The following SHQ1 variants were observed in gnomAD, a reference collection of about 807,000 sequenced individuals.
The protein encoded by SHQ1 is SHQ1, H/ACA ribonucleoprotein assembly factor.
A neutral mutation model predicts 53.8 loss-of-function variants in SHQ1; 49 were observed. The observed-to-expected ratio is 0.91, with a 90% confidence interval of 0.72 to 1.16. SHQ1 has a LOEUF of 1.16. SHQ1 is among the 50% of genes most tolerant of loss of function. The probability of loss-of-function intolerance (pLI) is 0.00; values close to 1 mark genes in which losing one functional copy is unlikely to be tolerated. For synonymous variants in SHQ1, 243 were observed against 251.0 expected (o/e 0.97, Z 0.30); for missense variants, 738 against 683.1 (o/e 1.08, Z -0.90).
At chr3:72,810,847 C>A (rs548836743) in intron 9 of SHQ1, among the ~76,000 whole-genome samples, 1 of 152,248 alleles carries the variant, frequency 6.6e-6, no homozygotes, top group East Asian at 1.9e-4. Context: ...AGCCACAACC[C>A]AAATTAGTCA....
chr3:72,813,127 T>C (rs1403085146), intron 8 of SHQ1, among the ~76,000 whole-genome samples: 1 of 152,168 alleles, frequency 6.6e-6, no homozygotes, highest in Non-Finnish European at 1.5e-5. Context: ...TTAATATAAT[T>C]TACATTTCAT....
chr3:72,747,175 TTTATC>T (rs1441723458), downstream of SHQ1, among the ~76,000 whole-genome samples: 2 of 152,186 alleles, frequency 1.3e-5, no homozygotes, highest in Admixed American at 1.3e-4. Context: ...AGCAAATTGG[TTTATC>T]TTATTTGTTC....
intron 9 of SHQ1, among the ~76,000 whole-genome samples, chr3:72,798,272 C>T (rs1311003081): frequency 2.0e-5 from 3 of 152,130 alleles, no homozygotes; most frequent in African/African-American, 7.2e-5. Flanking sequence ...CTCTCCAGGA[C>T]GTTAAATCCC....
At chr3:72,735,020 C>G in the SHQ1 span, among the ~76,000 whole-genome samples, 1 of 151,492 alleles carries the variant, frequency 6.6e-6, no homozygotes. Context: ...AGTATGTGTT[C>G]CAGACTGCTT....
chr3:72,777,350 AAAAG>A (rs1408491162), intron 10 of SHQ1, among the ~76,000 whole-genome samples: 2 of 152,330 alleles, frequency 1.3e-5, no homozygotes, highest in East Asian at 3.9e-4. Context: ...CTATAAATCA[AAAAG>A]AAAGGAAGTC....
intron 2 of SHQ1, among the ~76,000 whole-genome samples, chr3:72,844,102 T>C (rs1708257848): frequency 6.6e-6 from 1 of 152,192 alleles, no homozygotes; most frequent in Non-Finnish European, 1.5e-5. Context: ...GTCTACTAAA[T>C]GTAGGGGAAG....
chr3:72,846,364 G>A, intron 1 of SHQ1: 1 of 1,475,036 alleles, frequency 6.8e-7, no homozygotes, highest in South Asian at 1.3e-5. Context: ...GCGCAATCTT[G>A]GCTCACTGCA....
the SHQ1 span, among the ~76,000 whole-genome samples, chr3:72,732,372 G>T: frequency 3.0e-4 from 36 of 118,380 alleles, 1 homozygote; most frequent in African/African-American, 9.9e-4. Context: ...CTGCCTGCCT[G>T]CCTGCCTGCC....
the SHQ1 span, among the ~76,000 whole-genome samples, chr3:72,730,173 T>C: frequency 6.6e-6 from 1 of 151,664 alleles, no homozygotes; most frequent in East Asian, 1.9e-4. Context: ...TGGGGCACAG[T>C]GATGCAATCA....
chr3:72,733,055 G>T, the SHQ1 span, among the ~76,000 whole-genome samples: 1 of 151,630 alleles, frequency 6.6e-6, no homozygotes, highest in Non-Finnish European at 1.5e-5. Context: ...GAGCTTGAAA[G>T]GAGGAGGAGG....
chr3:72,773,711 T>C (rs544642089), intron 10 of SHQ1, among the ~76,000 whole-genome samples: 1 of 152,192 alleles, frequency 6.6e-6, no homozygotes, highest in Admixed American at 6.5e-5. Flanking sequence ...AAAGGGATTG[T>C]ATAGGAAGAA....
chr3:72,773,302 G>C, intron 10 of SHQ1: 1 of 622,746 alleles, frequency 1.6e-6, no homozygotes, highest in South Asian at 1.4e-5. Flanking sequence ...AGAAAAATTG[G>C]AATCTAGCTC....
At chr3:72,761,410 G>A (rs916311636) in intron 10 of SHQ1, among the ~76,000 whole-genome samples, 16 of 152,092 alleles carry the variant, frequency 1.1e-4, no homozygotes, top group African/African-American at 3.4e-4. Flanking sequence ...GGGCTCAAGC[G>A]ACCCTCCTGC....
At chr3:72,843,971 C>T (rs1708253669) in intron 2 of SHQ1, among the ~76,000 whole-genome samples, 1 of 152,196 alleles carries the variant, frequency 6.6e-6, no homozygotes, top group Non-Finnish European at 1.5e-5. Flanking sequence ...TCTCTCTCAC[C>T]TACCTGTTAT....
chr3:72,729,400 G>C, the SHQ1 span, among the ~76,000 whole-genome samples: 1 of 152,280 alleles, frequency 6.6e-6, no homozygotes. Context: ...TGCTCGTGCT[G>C]CCTCCAGCCT....
At chr3:72,771,714 T>C (rs535519454) in intron 10 of SHQ1, among the ~76,000 whole-genome samples, 101 of 152,316 alleles carry the variant, frequency 6.6e-4, no homozygotes, top group African/African-American at 2.3e-3. Context: ...GTTGGAAATT[T>C]GGACCTATAA....
At chr3:72,746,797 G>A (rs946039086), downstream of SHQ1, among the ~76,000 whole-genome samples, 3 of 152,206 alleles carry the variant, frequency 2.0e-5, no homozygotes, top group African/African-American at 4.8e-5. Context: ...ATTTTTAGAC[G>A]AGAGGATTTG....
intron 6 of SHQ1, among the ~76,000 whole-genome samples, chr3:72,823,527 A>T (rs1707550808): frequency 6.6e-6 from 1 of 152,220 alleles, no homozygotes; most frequent in East Asian, 1.9e-4. Context: ...AGTAGTAAAC[A>T]GCCCAAATAT....
chr3:72,790,033 C>A lies in SHQ1; in HGVS notation c.1181+2883G>T, dbSNP rs544745319. ...CAAACAAATCACTTTCTAAGGCTGC[C>A]AACCACAGAACATTTGCTGTAGTGA... On this transcript the variant is annotated intron_variant, in intron 10 of 10. Transcript: ENST00000325599. Among the ~76,000 whole-genome samples the A allele has an allele frequency of 3.3e-4, 51 of 152,314 alleles. No homozygotes were observed. The South Asian group carries it at 6.0e-3, about 18-fold the overall frequency.
Sources: allele counts gnomAD v4.1 joint callset (sites outside exome capture counted in the v4.1 genomes callset), GRCh38; gene constraint gnomAD v4.1.1; transcripts MANE v1.5; gene names NCBI Gene and HGNC (gene_info 2026-07-23, HGNC 2026-07-21).